Variants in PEMT observed in about 807,000 individuals in gnomAD.
PEMT encodes the protein phosphatidylethanolamine N-methyltransferase, also known as phospholipid methyltransferase.
A neutral mutation model predicts 27.4 loss-of-function variants in PEMT; 23 were observed. The ratio of observed to expected loss-of-function variants is 0.84; its 90% CI spans 0.60 to 1.19. The LOEUF (loss-of-function observed/expected upper bound fraction) is 1.19, where lower values mean the gene tolerates loss of function less well. Among genes scored for constraint, PEMT ranks in the 50% most tolerant of loss-of-function variants. The probability of loss-of-function intolerance (pLI) is 0.00; values close to 1 mark genes in which losing one functional copy is unlikely to be tolerated. For synonymous variants in PEMT, 137 were observed against 139.1 expected, an observed-to-expected ratio of 0.98 and a Z score of 0.11; for missense variants, 307 against 310.1, an observed-to-expected ratio of 0.99 and a Z score of 0.07.
intron 5 of PEMT, chr17:17,506,956 G>C: frequency 1.7e-6 from 1 of 580,392 alleles, no homozygotes; most frequent in Non-Finnish European, 3.1e-6. Flanking sequence ...CCCCAGCCCA[G>C]AGGACGGGAG....
At chr17:17,548,282 G>A (rs1909399715) in intron 2 of PEMT, among the ~76,000 whole-genome samples, 1 of 152,266 alleles carries the variant, frequency 6.6e-6, no homozygotes, top group East Asian at 1.9e-4. Context: ...TGGGTAGGCT[G>A]GGCCAAGCCG....
intron 2 of PEMT, among the ~76,000 whole-genome samples, chr17:17,541,028 C>A (rs976661789): frequency 1.3e-5 from 2 of 152,232 alleles, no homozygotes; most frequent in Non-Finnish European, 2.9e-5. Context: ...TCCAGCCACC[C>A]TGGCCGCTGA....
At chr17:17,532,388 A>C (rs1908164324) in intron 2 of PEMT, among the ~76,000 whole-genome samples, 2 of 152,268 alleles carry the variant, frequency 1.3e-5, no homozygotes, top group African/African-American at 4.8e-5. Flanking sequence ...TGCAATAAAA[A>C]GTCTGAAAGC....
chr17:17,536,139 T>C (rs1908454521), intron 2 of PEMT, among the ~76,000 whole-genome samples: 1 of 152,238 alleles, frequency 6.6e-6, no homozygotes, highest in Non-Finnish European at 1.5e-5. Context: ...CAGCCGACAC[T>C]GGCACAGGGC....
intron 2 of PEMT, among the ~76,000 whole-genome samples, chr17:17,570,066 G>A (rs772822395): frequency 1.3e-5 from 2 of 152,258 alleles, no homozygotes; most frequent in Non-Finnish European, 2.9e-5. Context: ...CAGAAAACCA[G>A]TCAATGGGCA....
At chr17:17,506,133 T>C in intron 6 of PEMT, 94 bp downstream of exon 6, 3 of 1,157,022 alleles carry the variant, frequency 2.6e-6, no homozygotes, top group South Asian at 3.0e-5. Flanking sequence ...CGGCAGCCTG[T>C]CCTGAGCCTG....
chr17:17,514,253 C>T (rs1346787399), intron 3 of PEMT, among the ~76,000 whole-genome samples: 3 of 152,252 alleles, frequency 2.0e-5, no homozygotes, highest in Non-Finnish European at 4.4e-5. Flanking sequence ...TTATGCCTCC[C>T]TGGAACTCCT....
At chr17:17,572,220 C>G (rs552344146) in intron 2 of PEMT, among the ~76,000 whole-genome samples, 2 of 152,390 alleles carry the variant, frequency 1.3e-5, no homozygotes, top group Admixed American at 1.3e-4. Context: ...AAGCTGCCAT[C>G]TGGGGCCTGC....
intron 2 of PEMT, among the ~76,000 whole-genome samples, chr17:17,567,352 C>T (rs763690419): frequency 2.0e-5 from 3 of 152,282 alleles, no homozygotes; most frequent in Non-Finnish European, 4.4e-5. Flanking sequence ...TAAAGTTAGC[C>T]CTAGCCTGAT....
At position 17,523,048 on chromosome 17, in the gene PEMT, G is replaced by A. The variant is rs569916122; in HGVS notation, c.205-653C>T. On this transcript the variant is annotated intron_variant, in intron 2 of 6. Coordinates refer to ENST00000255389, the MANE Select transcript of PEMT (RefSeq NM_148172.3). The surrounding 1 kb of genome is among the most constrained non-coding windows in gnomAD (Gnocchi z 4.8). ...GGAATCTCAACATCTGGCCACCAACGGTGGAGAGAAGGGAGCTCTTCCTGC... is the reference window on the plus strand; with the variant it reads ...GGAATCTCAACATCTGGCCACCAACAGTGGAGAGAAGGGAGCTCTTCCTGC... Among the ~76,000 whole-genome samples the A allele has an allele frequency of 8.5e-5, 13 of 152,260 alleles. No individual in the cohort carries two copies. The highest frequency in any genetic ancestry group is 5.8e-4 in the East Asian group (3 of 5,190).
chr17:17,584,029 C>T (rs958592126), intron 1 of PEMT, among the ~76,000 whole-genome samples: 5 of 152,238 alleles, frequency 3.3e-5, no homozygotes, highest in African/African-American at 1.2e-4. Context: ...GCACTGACAG[C>T]TCACGTGCTC....
Position 17,582,917 on chromosome 17 carries a change from C to T in PEMT, c.97-5890G>A, listed in dbSNP as rs1295944591. ...TTTCTACTAAAAATACAAAAATTAGCTGGACATGGTGGTGCACGACTGTAG... is the reference window on the plus strand; with the variant it reads ...TTTCTACTAAAAATACAAAAATTAGTTGGACATGGTGGTGCACGACTGTAG... On this transcript the variant is annotated intron_variant, in intron 1 of 6. Coordinates refer to ENST00000255389, the MANE Select transcript of PEMT (RefSeq NM_148172.3). This position sits in a 1 kb window ranked among gnomAD's most constrained non-coding sequence, Gnocchi z 4.9. 6.6e-6 allele frequency among the ~76,000 whole-genome samples: 1 copy of T among 152,086 alleles called. No homozygotes were observed. Among genetic ancestry groups the T allele is most frequent in the South Asian group, 2.1e-4 (1 of 4,812 alleles).
chr17:17,553,600 C>T lies in PEMT; in HGVS notation c.204+23320G>A, dbSNP rs567316156. Among the ~76,000 whole-genome samples, 37 of 152,302 alleles carry T rather than the reference C, an allele frequency of 2.4e-4. No individual in the cohort carries two copies. In the South Asian group the frequency reaches 5.8e-3, roughly 24 times the overall value. On this transcript the variant is annotated intron_variant, in intron 2 of 6. Transcript: ENST00000255389. ...GTGGCTCACAAGCCCACGATGGGCC[C>T]GCGTCCACCCAATGGCCAGCACTAA...
intron 2 of PEMT, among the ~76,000 whole-genome samples, chr17:17,550,597 G>A (rs1343433319): frequency 6.6e-6 from 1 of 152,172 alleles, no homozygotes; most frequent in African/African-American, 2.4e-5. Flanking sequence ...ATCATTTATT[G>A]TCATGCATTT....
rs576733881 is a variant in PEMT, at chr17:17,512,138, G to A, written c.466+371C>T. On this transcript the variant is annotated intron_variant, in intron 4 of 6. Transcript: ENST00000255389. The surrounding 1 kb of genome is among the most constrained non-coding windows in gnomAD (Gnocchi z 6.3). ...ACTCACCACCACCTCAGGCTTCTGT[G>A]CAACAAGGCCTGAGAGTCTTCTGCA... Among the ~76,000 whole-genome samples, 42 of 152,342 alleles carry A rather than the reference G, an allele frequency of 2.8e-4. 1 individual carries two copies. The South Asian group carries it at 8.1e-3, about 29-fold the overall frequency.
At chr17:17,559,414 G>A (rs1910305218) in intron 2 of PEMT, among the ~76,000 whole-genome samples, 1 of 152,248 alleles carries the variant, frequency 6.6e-6, no homozygotes, top group Admixed American at 6.5e-5. Context: ...CAGGCAGCCT[G>A]TTTAAAGCGG....
chr17:17,542,206 C>G (rs1192112023), intron 2 of PEMT, among the ~76,000 whole-genome samples: 1 of 147,488 alleles, frequency 6.8e-6, no homozygotes, highest in Non-Finnish European at 1.5e-5. Context: ...GTCTCAAACT[C>G]CTGACCTCAG....
rs551467639 is a variant in PEMT, at chr17:17,574,315, C to CTTT, written c.204+2602_204+2604dup. On this transcript the variant is annotated intron_variant, in intron 2 of 6. Transcript: ENST00000255389. Reference sequence around the variant, plus strand: ...TGCTGTCTTCCAAATCTTACTGCATCTTTTTTTTTTTTTTTTTTTTTAAAG... The same window carrying CTTT: ...TGCTGTCTTCCAAATCTTACTGCATCTTTTTTTTTTTTTTTTTTTTTTTTAAAG... 4.7e-3 allele frequency among the ~76,000 whole-genome samples: 525 copies of CTTT among 110,700 alleles called. 4 individuals carry two copies. Among genetic ancestry groups the CTTT allele is most frequent in the African/African-American group, 0.017 (467 of 27,644 alleles). The allele number at this position is 110,700 out of a possible 152,430, so 72.6% of individuals were successfully genotyped here.
At chr17:17,584,475 T>G (rs1416662869) in intron 1 of PEMT, among the ~76,000 whole-genome samples, 2 of 151,978 alleles carry the variant, frequency 1.3e-5, no homozygotes, top group African/African-American at 4.8e-5. Context: ...CCTGGCTAAT[T>G]TTTTTTTATT....
Sources: allele counts gnomAD v4.1 joint callset (sites outside exome capture counted in the v4.1 genomes callset), GRCh38; gene constraint gnomAD v4.1.1; non-coding constraint Gnocchi (gnomAD v3.1); transcripts MANE v1.5; gene names NCBI Gene and HGNC (gene_info 2026-07-23, HGNC 2026-07-21).